The following ADAM23 variants were observed in gnomAD, a reference collection of about 807,000 sequenced individuals.
ADAM23 encodes disintegrin and metalloproteinase domain-containing protein 23.
Under a neutral mutation model 120.1 loss-of-function variants are expected in ADAM23, and 33 were observed. That is an observed-to-expected ratio of 0.27 (90% CI 0.21 to 0.37). The LOEUF (loss-of-function observed/expected upper bound fraction) is 0.37. ADAM23 is among the 10% of genes least tolerant of loss of function. The pLI is 1.00. For missense variants in ADAM23, 862 were observed against 1,058.2 expected, an observed-to-expected ratio of 0.81 and a Z score of 2.57; for synonymous variants, 367 against 375.2, an observed-to-expected ratio of 0.98 and a Z score of 0.25.
At chr2:206,506,733 C>T (rs1202564027) in intron 3 of ADAM23, among the ~76,000 whole-genome samples, 1 of 152,202 alleles carries the variant, frequency 6.6e-6, no homozygotes, top group Non-Finnish European at 1.5e-5. Flanking sequence ...TAAAGCCCGT[C>T]ATGCTTAATC....
intron 2 of ADAM23, among the ~76,000 whole-genome samples, chr2:206,475,658 A>G (rs1184733938): frequency 1.3e-5 from 2 of 151,918 alleles, no homozygotes; most frequent in Admixed American, 1.3e-4. Flanking sequence ...AGCTCAACCC[A>G]TGATGACAAA....
At chr2:206,497,168 C>G (rs910685465) in intron 3 of ADAM23, among the ~76,000 whole-genome samples, 8 of 152,284 alleles carry the variant, frequency 5.3e-5, no homozygotes, top group Non-Finnish European at 1.2e-4. Context: ...CAGCATCATC[C>G]TGATACCAAA....
At position 206,457,588 on chromosome 2, in the gene ADAM23, C is replaced by T. The variant is rs538849788; in HGVS notation, c.432+12064C>T. Among the ~76,000 whole-genome samples, 24 of 152,192 alleles carry T rather than the reference C, an allele frequency of 1.6e-4. No individual in the cohort carries two copies. The South Asian group carries it at 5.0e-3, about 32-fold the overall frequency. On this transcript the variant is annotated intron_variant, in intron 2 of 25. Transcript: ENST00000264377. ...TTTTCTCATCTTTTTTTTTCCTTCCCTAAATGAGTACTCCAGATAAATAAC... is the reference window on the plus strand; with the variant it reads ...TTTTCTCATCTTTTTTTTTCCTTCCTTAAATGAGTACTCCAGATAAATAAC...
At chr2:206,584,458 T>A (rs1388862401) in intron 18 of ADAM23, among the ~76,000 whole-genome samples, 1 of 152,114 alleles carries the variant, frequency 6.6e-6, no homozygotes, top group Non-Finnish European at 1.5e-5. Context: ...TATAATCAGC[T>A]CTTCAGTTTG....
intron 3 of ADAM23, among the ~76,000 whole-genome samples, chr2:206,525,055 C>T (rs1322620137): frequency 6.6e-6 from 1 of 152,136 alleles, no homozygotes; most frequent in East Asian, 1.9e-4. Context: ...GATAGCCCTT[C>T]CTGGTTTATG....
At chr2:206,498,702 G>T (rs1450716604) in intron 3 of ADAM23, among the ~76,000 whole-genome samples, 5 of 152,158 alleles carry the variant, frequency 3.3e-5, no homozygotes, top group Admixed American at 2.6e-4. Context: ...ACTACCATCA[G>T]AGTGAACAGG....
At chr2:206,590,884 A>C (rs1698413501) in intron 21 of ADAM23, among the ~76,000 whole-genome samples, 1 of 152,216 alleles carries the variant, frequency 6.6e-6, no homozygotes, top group South Asian at 2.1e-4. Context: ...CATGTCCTAG[A>C]GAATCTGATT....
chr2:206,535,759 A>G (rs1166792160), intron 4 of ADAM23, among the ~76,000 whole-genome samples: 1 of 152,180 alleles, frequency 6.6e-6, no homozygotes, highest in Non-Finnish European at 1.5e-5. Context: ...GAATAGGCAA[A>G]TTCATAGGAA....
At chr2:206,499,551 A>G (rs1574499343) in intron 3 of ADAM23, among the ~76,000 whole-genome samples, 1 of 151,750 alleles carries the variant, frequency 6.6e-6, no homozygotes, top group African/African-American at 2.4e-5. Context: ...ATGACGAGTT[A>G]ATGGGTGCAG....
chr2:206,524,330 A>G (rs1478750787), intron 3 of ADAM23, among the ~76,000 whole-genome samples: 1 of 152,202 alleles, frequency 6.6e-6, no homozygotes, highest in African/African-American at 2.4e-5. Context: ...GCTAGTCACC[A>G]CCTGACAAGT....
intron 3 of ADAM23, among the ~76,000 whole-genome samples, chr2:206,516,087 A>G (rs1696724237): frequency 6.6e-6 from 1 of 152,126 alleles, no homozygotes; most frequent in South Asian, 2.1e-4. Flanking sequence ...ACATTCGTAT[A>G]TACCCACCAT....
At chr2:206,448,630 G>C (rs1695129643) in intron 2 of ADAM23, among the ~76,000 whole-genome samples, 1 of 152,168 alleles carries the variant, frequency 6.6e-6, no homozygotes, top group South Asian at 2.1e-4. Context: ...ACCCCAAAGA[G>C]AGAGGCAGAA....
chr2:206,536,458 G>A (rs1275422438), intron 4 of ADAM23, among the ~76,000 whole-genome samples: 2 of 152,048 alleles, frequency 1.3e-5, no homozygotes, highest in Non-Finnish European at 2.9e-5. Flanking sequence ...TGGTGGGTTG[G>A]AGAGATGTAG....
chr2:206,478,300 A>T (rs1297440331), intron 2 of ADAM23, among the ~76,000 whole-genome samples: 1 of 152,192 alleles, frequency 6.6e-6, no homozygotes, highest in Non-Finnish European at 1.5e-5. Flanking sequence ...ATACATTGAC[A>T]AAGAAGATGA....
chr2:206,533,345 G>A (rs1228616226), intron 4 of ADAM23, among the ~76,000 whole-genome samples: 1 of 152,066 alleles, frequency 6.6e-6, no homozygotes, highest in Non-Finnish European at 1.5e-5. Context: ...GGGATTACAG[G>A]CACCTGCCAC....
intron 9 of ADAM23, among the ~76,000 whole-genome samples, chr2:206,556,776 G>A (rs539446102): frequency 3.7e-4 from 57 of 152,182 alleles, no homozygotes; most frequent in African/African-American, 1.3e-3. Context: ...GCAGTCAAAA[G>A]CAAATGGCTT....
intron 3 of ADAM23, among the ~76,000 whole-genome samples, chr2:206,517,059 C>T (rs941933434): frequency 9.9e-5 from 15 of 152,110 alleles, no homozygotes; most frequent in African/African-American, 3.1e-4. Flanking sequence ...TAAAAAAACA[C>T]GCTCGTACAC....
In ADAM23 at chr2:206,561,205, T is replaced by C. The variant is rs1697757861; in HGVS notation, c.1247T>C (p.Val416Ala). Residue 416 changes from valine to alanine, a missense_variant, in exon 12 of 26, where the codon GTG becomes GCG. Physicochemically the swap from Val to Ala is moderately conservative, Grantham distance 64. Around this residue, in one of 4 missense-constraint regions of ADAM23, gnomAD observed 617 missense variants for 813.5 expected, o/e 0.76. Transcript: ENST00000264377. Reference sequence around the variant, plus strand: ...TGTTCTCGCACAAGAGGAGTTGGTGTGAATGAGGTAAATTTTACCAATTAG... The same window carrying C: ...TGTTCTCGCACAAGAGGAGTTGGTGCGAATGAGGTAAATTTTACCAATTAG... ...GVCSRTRGVG[V>A]NEYGLPMAVA... 4 of 1,613,612 alleles carry C rather than the reference T, an allele frequency of 2.5e-6. No individual in the cohort carries two copies. The highest frequency in any genetic ancestry group is 8.5e-7 in the Non-Finnish European group (1 of 1,179,654).
intron 10 of ADAM23, among the ~76,000 whole-genome samples, 151 bp from the exon 11 acceptor site, chr2:206,559,800 AAAAG>A (rs1239404911): frequency 1.3e-5 from 2 of 152,190 alleles, no homozygotes; most frequent in Non-Finnish European, 1.5e-5. Context: ...GCTCTTGGAA[AAAAG>A]AAAGGAAAAG....
Sources: allele counts gnomAD v4.1 joint callset (sites outside exome capture counted in the v4.1 genomes callset), GRCh38; gene constraint gnomAD v4.1.1; regional missense constraint gnomAD v4.1.1; transcripts MANE v1.5; gene names NCBI Gene and HGNC (gene_info 2026-07-23, HGNC 2026-07-21).